The following DEAF1 variants were observed in gnomAD, a reference collection of about 807,000 sequenced individuals.
DEAF1 encodes DEAF1 transcription factor.
A neutral mutation model predicts 58.9 loss-of-function variants in DEAF1; 53 were observed. The observed-to-expected ratio is 0.90, with a 90% confidence interval of 0.72 to 1.13. DEAF1 has a LOEUF of 1.13. Ranked by LOEUF, DEAF1 falls within the 50% of genes most tolerant of loss-of-function variation. DEAF1 has a pLI of 0.00. For synonymous variants in DEAF1, 385 were observed against 340.4 expected, an observed-to-expected ratio of 1.13 and a Z score of -1.44; for missense variants, 685 against 791.4, an observed-to-expected ratio of 0.87 and a Z score of 1.61.
chr11:656,458 G>A (rs895245605), intron 10 of DEAF1, among the ~76,000 whole-genome samples: 8 of 152,202 alleles, frequency 5.3e-5, no homozygotes, highest in African/African-American at 1.7e-4. Flanking sequence ...AAGCCCAGCC[G>A]ACAAAATATT....
At position 644,371 on chromosome 11, in the gene DEAF1, G is replaced by A; in HGVS notation, c.*179C>T. 1.5e-6 allele frequency: 1 copy of A among 652,530 alleles called. No individual in the cohort carries two copies. Among genetic ancestry groups the A allele is most frequent in the Non-Finnish European group, 2.8e-6 (1 of 360,176 alleles). 40.4% of individuals were successfully genotyped at this position (652,530 alleles called of 1,614,324 possible). On this transcript the variant is annotated 3_prime_UTR_variant, in exon 12 of 12. Transcript: ENST00000382409. The surrounding 1 kb of genome is among the most constrained non-coding windows in gnomAD (Gnocchi z 4.3). Reference sequence around the variant, plus strand: ...AGCGGGCAGGGGGCCCGGGCAGGGGGAGTGCGCTTCCCAGGGCACCATTCG... The same window carrying A: ...AGCGGGCAGGGGGCCCGGGCAGGGGAAGTGCGCTTCCCAGGGCACCATTCG...
chr11:666,659 C>T (rs1488030645), intron 10 of DEAF1, among the ~76,000 whole-genome samples: 1 of 151,990 alleles, frequency 6.6e-6, no homozygotes, highest in Non-Finnish European at 1.5e-5. Flanking sequence ...GAGCTGAGAT[C>T]GTGCCACTGC....
At position 695,168 on chromosome 11, in the gene DEAF1, G is replaced by A; in HGVS notation, c.-121C>T. On this transcript the variant is annotated 5_prime_UTR_variant, in exon 1 of 12. Coordinates refer to ENST00000382409, the MANE Select transcript of DEAF1 (RefSeq NM_021008.4). The stretch of plus-strand genomic sequence containing the variant: ...TGGGCCGAGGCCGCCCGAAGCCGCC[G>A]CCCGAATAGGGACCGAAAAGGCAGC... 1.1e-6 allele frequency: 1 copy of A among 917,796 alleles called. No homozygotes were observed. Among genetic ancestry groups the A allele is most frequent in the Non-Finnish European group, 1.5e-6 (1 of 682,172 alleles). 56.9% of individuals were successfully genotyped at this position (917,796 alleles called of 1,614,324 possible). A position where few individuals can be genotyped will look rare whatever the true frequency, so the allele number is the denominator to read the frequency against.
rs1860680362 is a variant in DEAF1, at chr11:688,207, A to G, written c.517+124T>C. ...GAAAATTCCAATGCTTTTACTTAAA[A>G]TCTATTAATAGATGATATTCCAAAT... is the stretch of plus-strand genomic sequence containing the variant. On this transcript the variant is annotated intron_variant, in intron 3 of 11. Coordinates refer to ENST00000382409, the MANE Select transcript of DEAF1 (RefSeq NM_021008.4). The surrounding 1 kb of genome is among the most constrained non-coding windows in gnomAD (Gnocchi z 4.3). 6.6e-7 allele frequency: 1 copy of G among 1,517,312 alleles called. No homozygotes were observed. The highest frequency in any genetic ancestry group is 8.9e-7 in the Non-Finnish European group (1 of 1,120,762). The allele number at this position is 1,517,312 out of a possible 1,614,324, so 94.0% of individuals were successfully genotyped here. A position where few individuals can be genotyped will look rare whatever the true frequency, so the allele number is the denominator to read the frequency against.
chr11:694,368 GGTAGGGCAGGCCGATCAC>G (rs1860994927), intron 1 of DEAF1: 1 of 205,300 alleles, frequency 4.9e-6, no homozygotes, highest in Non-Finnish European at 1.0e-5. Context: ...GTGCGGGGCA[GGTAGGGCAGGCCGATCAC>G]GTGGGGCAGG....
intron 1 of DEAF1, chr11:700,799 TCTCAGAGACA>T: frequency 8.2e-7 from 1 of 1,219,242 alleles, no homozygotes; most frequent in Non-Finnish European, 1.2e-6. Flanking sequence ...ATAGTGTGGT[TCTCAGAGACA>T]TTTTTTATCC....
At position 663,522 on chromosome 11, in the gene DEAF1, C is replaced by CTG. The variant is rs1859403574; in HGVS notation, c.1504-9473_1504-9472dup. 5.3e-5 allele frequency among the ~76,000 whole-genome samples: 8 copies of CTG among 151,966 alleles called. 1 individual carries two copies. In the South Asian group the frequency reaches 1.7e-3, roughly 32 times the overall value. On this transcript the variant is annotated intron_variant, in intron 10 of 11. Coordinates refer to ENST00000382409, the MANE Select transcript of DEAF1 (RefSeq NM_021008.4). The stretch of plus-strand genomic sequence containing the variant: ...TCCTCCATCTCCTCAGCAACTGCCT[C>CTG]TGGTGTGAATACCAGGCTTTTGGCC...
chr11:706,985 G>T (rs1004932410), exon 1 of DEAF1, among the ~76,000 whole-genome samples: 3 of 152,150 alleles, frequency 2.0e-5, no homozygotes, highest in Middle Eastern at 3.4e-3. Context: ...GCCCCTTGCT[G>T]CGGGGTGTCC....
At chr11:670,946 T>TTTTTTTTTGG (rs1859796584) in intron 10 of DEAF1, among the ~76,000 whole-genome samples, 1 of 145,280 alleles carries the variant, frequency 6.9e-6, no homozygotes, top group East Asian at 2.1e-4. Flanking sequence ...TTTTTTTTTT[T>TTTTTTTTTGG]GAGACAGAGT....
intron 10 of DEAF1, among the ~76,000 whole-genome samples, chr11:671,648 G>A (rs951092952): frequency 2.7e-5 from 4 of 150,142 alleles, no homozygotes; most frequent in African/African-American, 9.8e-5. Context: ...GAGGCAGGAG[G>A]ATCTCTTGAG....
chr11:705,918 C>A (rs1290265216), intron 1 of DEAF1, among the ~76,000 whole-genome samples: 1 of 152,238 alleles, frequency 6.6e-6, no homozygotes, highest in Non-Finnish European at 1.5e-5. Context: ...CGGAGGCGGC[C>A]CTGCGCCCCG....
chr11:660,107 C>G (rs1203080318), intron 10 of DEAF1, among the ~76,000 whole-genome samples: 3 of 152,166 alleles, frequency 2.0e-5, no homozygotes, highest in Non-Finnish European at 2.9e-5. Context: ...CGCAGCAGCT[C>G]AGCTTAAAAG....
chr11:681,623 G>A (rs201703757), intron 6 of DEAF1, among the ~76,000 whole-genome samples: 1 of 151,990 alleles, frequency 6.6e-6, no homozygotes, highest in Non-Finnish European at 1.5e-5. Context: ...TGGTAGCCAG[G>A]ATGGTCTCGT....
chr11:690,228 AGGAAG>A (rs1860765271), intron 2 of DEAF1, among the ~76,000 whole-genome samples: 1 of 55,928 alleles, frequency 1.8e-5, no homozygotes, highest in Non-Finnish European at 3.7e-5. Context: ...TCTGTCAAAA[AGGAAG>A]GGGAGGGGAG....
At chr11:703,598 G>T (rs892533151) in intron 1 of DEAF1, 26 of 1,233,042 alleles carry the variant, frequency 2.1e-5, no homozygotes, top group Non-Finnish European at 2.5e-5. Context: ...TTTACTCCGT[G>T]GCCAGGCCCC....
chr11:694,773 G>A lies in DEAF1; in HGVS notation c.275C>T (p.Ala92Val). 1 of 1,323,634 alleles carries A rather than the reference G, an allele frequency of 7.6e-7. No homozygotes were observed. The highest frequency in any genetic ancestry group is 2.1e-5 in the South Asian group (1 of 48,218). The allele number at this position is 1,323,634 out of a possible 1,614,324, so 82.0% of individuals were successfully genotyped here. ...ALPGPDEAAA[A>V]AAFAEVTTVT... is the part of the protein sequence containing the mutation. Reference sequence around the variant, plus strand: ...GGCGCACTTGCCTGCGAAGGCTGCGGCAGCGGCGGCCTCGTCGGGGCCGGG... The same window carrying A: ...GGCGCACTTGCCTGCGAAGGCTGCGACAGCGGCGGCCTCGTCGGGGCCGGG... The change falls in exon 1 of 12, where the codon GCC becomes GTC. Residue 92 changes from alanine (A) to valine (V), a missense_variant. Ala to Val is a moderately conservative substitution (Grantham distance 64). This residue lies in a region of DEAF1 where 210 missense variants were observed against 177.3 expected (regional missense o/e 1.18). Transcript: ENST00000382409.
chr11:704,471 A>G, intron 1 of DEAF1: 1 of 1,289,398 alleles, frequency 7.8e-7, no homozygotes, highest in African/African-American at 1.5e-5. Context: ...GACAGCCCTG[A>G]GGACCCACTT....
At chr11:702,919 T>C in intron 1 of DEAF1, 1 of 1,555,064 alleles carries the variant, frequency 6.4e-7, no homozygotes, top group Non-Finnish European at 8.7e-7. Flanking sequence ...CGCACCACCT[T>C]CCCTCCCCTT....
intron 9 of DEAF1, among the ~76,000 whole-genome samples, chr11:675,188 A>G (rs1243931692): frequency 1.3e-5 from 2 of 152,054 alleles, no homozygotes; most frequent in African/African-American, 4.8e-5. Context: ...CCATCTCAAA[A>G]AAATAAACAA....
Sources: allele counts gnomAD v4.1 joint callset (sites outside exome capture counted in the v4.1 genomes callset), GRCh38; gene constraint gnomAD v4.1.1; regional missense constraint gnomAD v4.1.1; non-coding constraint Gnocchi (gnomAD v3.1); transcripts MANE v1.5; gene names NCBI Gene and HGNC (gene_info 2026-07-23, HGNC 2026-07-21).